The following COL13A1 variants were observed in gnomAD, a reference collection of about 807,000 sequenced individuals.
COL13A1 encodes collagen type XIII alpha 1 chain, also known as collagen alpha-1(XIII) chain.
Under a neutral mutation model 130.9 loss-of-function variants are expected in COL13A1, and 89 were observed. That is an observed-to-expected ratio of 0.68 (90% CI 0.57 to 0.81). The LOEUF is 0.81. Among genes scored for constraint, COL13A1 ranks in the 30% least tolerant of loss-of-function variants. The pLI is 0.00. For missense variants in COL13A1, 879 were observed against 934.6 expected (o/e 0.94, Z 0.78); for synonymous variants, 402 against 341.6 (o/e 1.18, Z -1.95).
chr10:69,863,434 G>A (rs1858791084), intron 2 of COL13A1, among the ~76,000 whole-genome samples: 1 of 152,160 alleles, frequency 6.6e-6, no homozygotes, highest in African/African-American at 2.4e-5. Flanking sequence ...CTGGTGGCAG[G>A]TGGTCAGCTG....
intron 2 of COL13A1, among the ~76,000 whole-genome samples, chr10:69,864,902 C>T (rs147694120): frequency 7.2e-5 from 11 of 152,318 alleles, no homozygotes; most frequent in Non-Finnish European, 1.5e-4. Context: ...GCCCTGCTTG[C>T]GGGCTGCTTA....
intron 37 of COL13A1, 53 bp downstream of exon 37, chr10:69,945,777 A>G: frequency 1.1e-5 from 17 of 1,580,654 alleles, no homozygotes; most frequent in Middle Eastern, 1.7e-4. Flanking sequence ...CCCCCATTAG[A>G]AATACCCACG....
At chr10:69,848,262 C>T (rs7902825) in intron 2 of COL13A1, among the ~76,000 whole-genome samples, 4 of 152,168 alleles carry the variant, frequency 2.6e-5, no homozygotes, top group East Asian at 3.9e-4. Flanking sequence ...AGCAAGCTAC[C>T]GGCCTGAGCT....
At chr10:69,821,719 C>T (rs187321386) in intron 1 of COL13A1, among the ~76,000 whole-genome samples, 99 of 152,326 alleles carry the variant, frequency 6.5e-4, no homozygotes, top group African/African-American at 2.2e-3. Flanking sequence ...AGTTGACACA[C>T]AGGGGAATCC....
At chr10:69,918,147 G>A (rs2064157232) in intron 18 of COL13A1, 138 bp from the exon 19 acceptor site, 2 of 651,964 alleles carry the variant, frequency 3.1e-6, no homozygotes, top group East Asian at 3.0e-5. Context: ...CCCAGGTGGG[G>A]TTGGTGGTTG....
At position 69,898,458 on chromosome 10, in the gene COL13A1, C is replaced by T. The variant is rs541213848; in HGVS notation, c.685-239C>T. Among the ~76,000 whole-genome samples, 18 of 152,348 alleles carry T rather than the reference C, an allele frequency of 1.2e-4. No homozygotes were observed. In the South Asian group the frequency reaches 3.7e-3, roughly 32 times the overall value. ...CGGGTGTGGACTGAGGGCCACAACT[C>T]CTCCTAAGGGACGGCTGTGCCATCC... On this transcript the variant is annotated intron_variant, in intron 13 of 40. Coordinates refer to ENST00000645393, the MANE Select transcript of COL13A1 (RefSeq NM_001368882.1).
chr10:69,843,556 T>C (rs1258472097), intron 2 of COL13A1, among the ~76,000 whole-genome samples: 1 of 152,220 alleles, frequency 6.6e-6, no homozygotes, highest in Non-Finnish European at 1.5e-5. Flanking sequence ...GCTACTGTAT[T>C]GGACAGCACA....
intron 33 of COL13A1, among the ~76,000 whole-genome samples, chr10:69,936,988 T>C (rs2067012205): frequency 6.6e-6 from 1 of 152,248 alleles, no homozygotes; most frequent in Non-Finnish European, 1.5e-5. Context: ...GCTTCCCATC[T>C]GTCACCCCAC....
chr10:69,905,810 C>T lies in COL13A1; in HGVS notation c.909C>T (p.Tyr303=), dbSNP rs1243221951. 1.2e-6 allele frequency: 2 copies of T among 1,613,720 alleles called. No homozygotes were observed. Among genetic ancestry groups the T allele is most frequent in the Non-Finnish European group, 1.7e-6 (2 of 1,179,796 alleles). The part of the protein sequence containing the change: ...GPKGDPGIQG[Y]HGRKGERGMP... ...AGGGAGACCCAGGGATCCAGGGCTACCACGGCCGGAAGGTAAGATGGAGGG... is the reference window on the plus strand; with the variant it reads ...AGGGAGACCCAGGGATCCAGGGCTATCACGGCCGGAAGGTAAGATGGAGGG... The change falls in exon 17 of 41, where the codon TAC becomes TAT. Residue 303 remains tyrosine, a synonymous_variant. Coordinates refer to ENST00000645393, the MANE Select transcript of COL13A1 (RefSeq NM_001368882.1).
Position 69,958,911 on chromosome 10 carries a change from T to G in COL13A1, c.*210T>G, listed in dbSNP as rs1163246571. On this transcript the variant is annotated 3_prime_UTR_variant, in exon 41 of 41. Transcript: ENST00000645393. ...GTATAAGCCTATGTCTCTAATACATTTTTTGTTTGGTCGTAATGTCTGCAT... is the reference window on the plus strand; with the variant it reads ...GTATAAGCCTATGTCTCTAATACATGTTTTGTTTGGTCGTAATGTCTGCAT... 4.9e-6 allele frequency: 3 copies of G among 618,376 alleles called. No individual in the cohort carries two copies. The highest frequency in any genetic ancestry group is 8.0e-6 in the Non-Finnish European group (3 of 374,942). The allele number at this position is 618,376 out of a possible 1,614,324, so 38.3% of individuals were successfully genotyped here.
At chr10:69,918,374 G>A (rs1266396319) in intron 19 of COL13A1, 57 bp downstream of exon 19, 39 of 1,578,600 alleles carry the variant, frequency 2.5e-5, no homozygotes, top group South Asian at 4.5e-5. Flanking sequence ...AAGAGAGCGG[G>A]CAGAGCTGGA....
At chr10:69,873,031 G>T (rs2059227937) in intron 4 of COL13A1, among the ~76,000 whole-genome samples, 1 of 152,144 alleles carries the variant, frequency 6.6e-6, no homozygotes, top group Non-Finnish European at 1.5e-5. Context: ...TAGTGGGTAT[G>T]TGTACCGGGT....
chr10:69,845,161 C>G (rs1300629090), intron 2 of COL13A1, among the ~76,000 whole-genome samples: 1 of 151,102 alleles, frequency 6.6e-6, no homozygotes, highest in Non-Finnish European at 1.5e-5. Context: ...GCCTCATCCT[C>G]TTTTCTTTTC....
intron 1 of COL13A1, among the ~76,000 whole-genome samples, chr10:69,819,561 C>T (rs536471351): frequency 1.6e-4 from 25 of 152,170 alleles, no homozygotes; most frequent in Non-Finnish European, 3.1e-4. Flanking sequence ...CTGCATTCCT[C>T]CTGTCTATCA....
intron 1 of COL13A1, among the ~76,000 whole-genome samples, chr10:69,820,300 C>T (rs1845732775): frequency 6.6e-6 from 1 of 152,246 alleles, no homozygotes; most frequent in Non-Finnish European, 1.5e-5. Flanking sequence ...AATTCTGTCT[C>T]CAGCCCAACC....
chr10:69,923,009 C>T (rs1357983664), intron 23 of COL13A1, among the ~76,000 whole-genome samples: 1 of 152,196 alleles, frequency 6.6e-6, no homozygotes, highest in African/African-American at 2.4e-5. Flanking sequence ...GAGATGTCTT[C>T]CCTGGGGCAG....
At chr10:69,942,637 T>C (rs1433455269) in intron 35 of COL13A1, among the ~76,000 whole-genome samples, 1 of 152,236 alleles carries the variant, frequency 6.6e-6, no homozygotes, top group Non-Finnish European at 1.5e-5. Context: ...TATTGAGCAC[T>C]TCCTACGCGT....
At chr10:69,820,733 C>T (rs74810246) in intron 1 of COL13A1, among the ~76,000 whole-genome samples, 4,411 of 152,210 alleles carry the variant, frequency 0.029, 183 homozygotes, top group African/African-American at 0.085. Context: ...TGATCTCGGC[C>T]CCCTTCTGCC....
At chr10:69,939,668 C>G (rs1433147773) in intron 34 of COL13A1, among the ~76,000 whole-genome samples, 2 of 152,222 alleles carry the variant, frequency 1.3e-5, no homozygotes, top group African/African-American at 4.8e-5. Flanking sequence ...CCCCTGAGAG[C>G]TTTTCAAACT....
Sources: allele counts gnomAD v4.1 joint callset (sites outside exome capture counted in the v4.1 genomes callset), GRCh38; gene constraint gnomAD v4.1.1; transcripts MANE v1.5; gene names NCBI Gene and HGNC (gene_info 2026-07-23, HGNC 2026-07-21).